Variants in EPAS1 observed in about 807,000 individuals in gnomAD.
The protein encoded by EPAS1 is endothelial PAS domain-containing protein 1.
A neutral mutation model predicts 87.9 loss-of-function variants in EPAS1; 23 were observed. The observed-to-expected ratio is 0.26, with a 90% CI of 0.19 to 0.37. The LOEUF (loss-of-function observed/expected upper bound fraction) is 0.37. Ranked by LOEUF, EPAS1 falls within the 10% of genes least tolerant of loss-of-function variation. The pLI, the probability that EPAS1 is intolerant of heterozygous loss-of-function variation, is 1.00. For missense variants in EPAS1, 1,138 were observed against 1,120.7 expected (o/e 1.02, Z -0.22); for synonymous variants, 508 against 444.3 (o/e 1.14, Z -1.80).
chr2:46,374,607 C>T (rs1231350732), intron 7 of EPAS1, among the ~76,000 whole-genome samples: 1 of 152,170 alleles, frequency 6.6e-6, no homozygotes, highest in Non-Finnish European at 1.5e-5. Context: ...TTCCCCAAAT[C>T]CCAAGCTAGC....
At chr2:46,350,654 C>G (rs1267907368) in intron 2 of EPAS1, among the ~76,000 whole-genome samples, 3 of 152,178 alleles carry the variant, frequency 2.0e-5, no homozygotes, top group Non-Finnish European at 4.4e-5. Context: ...AAACCATGAG[C>G]GAATCAGGGT....
chr2:46,384,481 T>G, intron 15 of EPAS1, 28 bp from the exon 16 acceptor site: 1 of 1,614,184 alleles, frequency 6.2e-7, no homozygotes, highest in South Asian at 1.1e-5. Flanking sequence ...TTTAGGCCTT[T>G]AAGTTATGGT....
At chr2:46,304,059 T>C (rs1348417018) in intron 1 of EPAS1, among the ~76,000 whole-genome samples, 1 of 152,248 alleles carries the variant, frequency 6.6e-6, no homozygotes, top group Non-Finnish European at 1.5e-5. Flanking sequence ...GAAAAATGAC[T>C]GTGAAAACAA....
At chr2:46,349,319 C>G (rs1684098078) in intron 2 of EPAS1, among the ~76,000 whole-genome samples, 1 of 152,162 alleles carries the variant, frequency 6.6e-6, no homozygotes, top group Admixed American at 6.5e-5. Flanking sequence ...AAAGGTTGGC[C>G]TCGAAAAGGC....
intron 1 of EPAS1, among the ~76,000 whole-genome samples, chr2:46,344,040 A>C (rs7594243): frequency 6.6e-6 from 1 of 152,192 alleles, no homozygotes; most frequent in Non-Finnish European, 1.5e-5. Context: ...TTATGTAGGC[A>C]TTGGCTTTGT....
chr2:46,367,188 G>A (rs549813522), intron 6 of EPAS1, among the ~76,000 whole-genome samples: 16 of 152,278 alleles, frequency 1.1e-4, no homozygotes, highest in African/African-American at 3.9e-4. Flanking sequence ...ACATTAATTA[G>A]ATAAACATTT....
chr2:46,298,339 A>G (rs1682928040), intron 1 of EPAS1, among the ~76,000 whole-genome samples: 1 of 152,218 alleles, frequency 6.6e-6, no homozygotes, highest in Non-Finnish European at 1.5e-5. Context: ...GGCAGCATCC[A>G]CGTCTCTATT....
chr2:46,367,313 C>T (rs1231503328), intron 6 of EPAS1, among the ~76,000 whole-genome samples: 1 of 152,192 alleles, frequency 6.6e-6, no homozygotes, highest in Non-Finnish European at 1.5e-5. Context: ...TCCTAGAATG[C>T]CAGTAGGCTC....
chr2:46,336,378 C>CT (rs1320649753), intron 1 of EPAS1, among the ~76,000 whole-genome samples: 1 of 151,828 alleles, frequency 6.6e-6, no homozygotes, highest in African/African-American at 2.4e-5. Flanking sequence ...TAATAAGGGC[C>CT]TATGAGTAGT....
intron 2 of EPAS1, among the ~76,000 whole-genome samples, chr2:46,352,895 C>T (rs907324373): frequency 4.6e-5 from 7 of 152,158 alleles, no homozygotes; most frequent in Admixed American, 2.0e-4. Flanking sequence ...TAGCCGATTT[C>T]GCCACCTCCT....
At chr2:46,330,233 C>T (rs1313449296) in intron 1 of EPAS1, among the ~76,000 whole-genome samples, 5 of 152,304 alleles carry the variant, frequency 3.3e-5, no homozygotes, top group East Asian at 3.9e-4. Flanking sequence ...ACCAAGCACC[C>T]CCATTCCCAC....
intron 1 of EPAS1, among the ~76,000 whole-genome samples, chr2:46,343,615 T>C (rs113717961): frequency 0.017 from 2,607 of 152,342 alleles, 30 homozygotes; most frequent in Middle Eastern, 0.041. Context: ...TAAGAAGAAG[T>C]GCTTTCTGTA....
Position 46,380,096 on chromosome 2 carries a change from C to G in EPAS1, c.1555-131C>G. ...GGTTTTCCTGATAGGCCCTCGGGAG[C>G]CAGTGGAGGCGTTTGAGCAGCACTG... On this transcript the variant is annotated intron_variant, in intron 11 of 15. Transcript: ENST00000263734. This position sits in a 1 kb window ranked among gnomAD's most constrained non-coding sequence, Gnocchi z 4.4. The G allele has an allele frequency of 1.4e-6, 2 of 1,465,688 alleles. No homozygotes were observed. Among genetic ancestry groups the G allele is most frequent in the Non-Finnish European group, 1.9e-6 (2 of 1,060,104 alleles). The allele number at this position is 1,465,688 out of a possible 1,614,324, so 90.8% of individuals were successfully genotyped here.
In EPAS1 at chr2:46,356,139, C is replaced by T. The variant is rs202210836; in HGVS notation, c.218-12C>T. The T allele has an allele frequency of 1.7e-3, 2,282 of 1,354,404 alleles. 23 individuals are homozygous for T. Among genetic ancestry groups the T allele is most frequent in the Non-Finnish European group, 2.3e-3 (2,197 of 951,906 alleles). 83.9% of individuals were successfully genotyped at this position (1,354,404 alleles called of 1,614,324 possible). ...CATTCATGCAAGCTGTCCCACCCCC[C>T]CCCCTTTCCAGTTTGCTCTGAAAAC... On this transcript the variant is annotated splice_polypyrimidine_tract_variant and intron_variant, in intron 2 of 15. Transcript: ENST00000263734.
rs1321549712 is a variant in EPAS1, at chr2:46,360,226, A to G, written c.455-412A>G. Among the ~76,000 whole-genome samples, 1 of 152,172 alleles carries G rather than the reference A, an allele frequency of 6.6e-6. No homozygotes were observed. The highest frequency in any genetic ancestry group is 6.5e-5 in the Admixed American group (1 of 15,288). ...TTTCTAACCTGTGAGGAAGGCTTAC[A>G]CCCTTGGAGTAACTGTGGCCTCACT... On this transcript the variant is annotated intron_variant, in intron 4 of 15. Transcript: ENST00000263734. This position sits in a 1 kb window ranked among gnomAD's most constrained non-coding sequence, Gnocchi z 4.5.
intron 6 of EPAS1, among the ~76,000 whole-genome samples, chr2:46,367,704 C>T (rs1684532843): frequency 6.6e-6 from 1 of 152,252 alleles, no homozygotes. Flanking sequence ...TAGGATCTCA[C>T]TGGAGAAATC....
intron 2 of EPAS1, among the ~76,000 whole-genome samples, chr2:46,349,010 A>G (rs1045976383): frequency 1.3e-5 from 2 of 152,222 alleles, no homozygotes; most frequent in African/African-American, 4.8e-5. Flanking sequence ...CATTTAGCAC[A>G]TGGTGAACCT....
intron 7 of EPAS1, 119 bp downstream of exon 7, chr2:46,370,052 TG>T (rs1684595624): frequency 2.5e-6 from 2 of 809,898 alleles, no homozygotes; most frequent in Admixed American, 2.0e-5. Flanking sequence ...CTGTCTTGTG[TG>T]GCAGACAAGA....
chr2:46,372,725 T>C (rs1684652167), intron 7 of EPAS1, among the ~76,000 whole-genome samples: 2 of 152,262 alleles, frequency 1.3e-5, no homozygotes, highest in South Asian at 4.1e-4. Context: ...TATATTCTAC[T>C]GACAGAGCAG....
Sources: allele counts gnomAD v4.1 joint callset (sites outside exome capture counted in the v4.1 genomes callset), GRCh38; gene constraint gnomAD v4.1.1; non-coding constraint Gnocchi (gnomAD v3.1); transcripts MANE v1.5; gene names NCBI Gene and HGNC (gene_info 2026-07-23, HGNC 2026-07-21).